The following SUPT3H variants were observed in gnomAD, a reference collection of about 807,000 sequenced individuals.
SUPT3H encodes the protein transcription initiation protein SPT3 homolog.
A neutral mutation model predicts 44.3 loss-of-function variants in SUPT3H; 44 were observed. That is an observed-to-expected ratio of 0.99 (90% CI 0.78 to 1.28). The LOEUF (loss-of-function observed/expected upper bound fraction) is 1.28. SUPT3H is among the 50% of genes most tolerant of loss of function. SUPT3H has a pLI of 0.00. For synonymous variants in SUPT3H, 124 were observed against 125.6 expected (o/e 0.99, Z 0.09); for missense variants, 380 against 387.1 (o/e 0.98, Z 0.15).
At chr6:45,036,301 G>A (rs1414232852) in intron 3 of SUPT3H, among the ~76,000 whole-genome samples, 2 of 152,084 alleles carry the variant, frequency 1.3e-5, no homozygotes, top group Non-Finnish European at 2.9e-5. Context: ...AAGGGAATAG[G>A]AAGTGCAAAG....
chr6:44,885,718 T>A (rs1762150268), intron 10 of SUPT3H, among the ~76,000 whole-genome samples: 1 of 152,046 alleles, frequency 6.6e-6, no homozygotes, highest in South Asian at 2.1e-4. Flanking sequence ...CCTCTCCTCC[T>A]CCAAAGGAAC....
At chr6:45,221,143 T>C (rs925232539) in intron 2 of SUPT3H, among the ~76,000 whole-genome samples, 3 of 152,172 alleles carry the variant, frequency 2.0e-5, no homozygotes, top group Admixed American at 6.5e-5. Flanking sequence ...AAACACTGCA[T>C]GTTCTCACTC....
intron 1 of SUPT3H, chr6:45,371,825 C>A: frequency 1.0e-6 from 1 of 984,184 alleles, no homozygotes; most frequent in Non-Finnish European, 1.2e-6. Context: ...CCAAAGACAT[C>A]TGAGCAGACT....
intron 10 of SUPT3H, among the ~76,000 whole-genome samples, chr6:44,920,134 T>C (rs1358921776): frequency 6.6e-6 from 1 of 151,938 alleles, no homozygotes; most frequent in Non-Finnish European, 1.5e-5. Context: ...CACCTCGGCC[T>C]CCCAAAGTGC....
chr6:45,030,217 T>A (rs1786701061), intron 3 of SUPT3H, among the ~76,000 whole-genome samples: 1 of 152,216 alleles, frequency 6.6e-6, no homozygotes, highest in Admixed American at 6.5e-5. Flanking sequence ...GGTAACTCAG[T>A]AACTGGAAAT....
chr6:44,870,691 G>T (rs1245246890), intron 10 of SUPT3H, among the ~76,000 whole-genome samples: 1 of 151,672 alleles, frequency 6.6e-6, no homozygotes, highest in Non-Finnish European at 1.5e-5. Flanking sequence ...CTCCCAGCAT[G>T]AGCGACGCAG....
intron 6 of SUPT3H, among the ~76,000 whole-genome samples, chr6:44,984,505 T>C (rs1040514128): frequency 3.9e-5 from 6 of 152,172 alleles, no homozygotes; most frequent in Non-Finnish European, 5.9e-5. Context: ...AATTTGTCTA[T>C]GTAGTTAACT....
chr6:45,103,195 G>C (rs1052836250), intron 3 of SUPT3H, among the ~76,000 whole-genome samples: 1 of 152,062 alleles, frequency 6.6e-6, no homozygotes, highest in Non-Finnish European at 1.5e-5. Context: ...AACAAAACAA[G>C]GTTTTCCTCT....
intron 6 of SUPT3H, among the ~76,000 whole-genome samples, chr6:44,977,000 A>T (rs1317415497): frequency 6.6e-6 from 1 of 152,192 alleles, no homozygotes; most frequent in African/African-American, 2.4e-5. Context: ...GTCAGTGCCC[A>T]CATTTTATTC....
Position 45,003,673 on chromosome 6 carries a change from C to G in SUPT3H, c.484G>C (p.Val162Leu), listed in dbSNP as rs1304997860. The change falls in exon 6 of 11, where the codon GTT (valine) becomes CTT (leucine). Residue 162 changes from valine to leucine, a missense_variant. Val to Leu is a conservative substitution (Grantham distance 32). Coordinates refer to ENST00000371459, the MANE Select transcript of SUPT3H (RefSeq NM_003599.4). ...TATACCTCCATTCTTTCTTGTTTAA[C>G]TTCATCAATTTCGTCATCTTCAAAC... ...AMFEDDEIDE[V>L]KQERMERAER... 4.0e-5 allele frequency: 65 copies of G among 1,613,460 alleles called. No homozygotes were observed. Among genetic ancestry groups the G allele is most frequent in the Non-Finnish European group, 5.3e-5 (63 of 1,179,746 alleles).
Position 45,095,599 on chromosome 6 carries a change from A to G in SUPT3H, c.186+10323T>C, listed in dbSNP as rs952906871. Among the ~76,000 whole-genome samples the G allele has an allele frequency of 6.6e-6, 1 of 152,186 alleles. No individual in the cohort carries two copies. Among genetic ancestry groups the G allele is most frequent in the Admixed American group, 6.5e-5 (1 of 15,274 alleles). On this transcript the variant is annotated intron_variant, in intron 3 of 10. Coordinates refer to ENST00000371459, the MANE Select transcript of SUPT3H (RefSeq NM_003599.4). This position sits in a 1 kb window ranked among gnomAD's most constrained non-coding sequence, Gnocchi z 4.1. Reference sequence around the variant, plus strand: ...AGTGTAACCAACTACACAGCTTACTACTGACTGGTAGATTCATACAGTGAA... The same window carrying G: ...AGTGTAACCAACTACACAGCTTACTGCTGACTGGTAGATTCATACAGTGAA...
In SUPT3H at chr6:45,029,179, C is replaced by T. The variant is rs1004486193; in HGVS notation, c.187-8547G>A. ...AGTATATAAATTGATAAAAGATGTGCCTAACTTTTTAGAGTTTCATTTTAA... is the reference window on the plus strand; with the variant it reads ...AGTATATAAATTGATAAAAGATGTGTCTAACTTTTTAGAGTTTCATTTTAA... On this transcript the variant is annotated intron_variant, in intron 3 of 10. Coordinates refer to ENST00000371459, the MANE Select transcript of SUPT3H (RefSeq NM_003599.4). Among the ~76,000 whole-genome samples the T allele has an allele frequency of 2.8e-4, 42 of 151,548 alleles. 1 individual carries two copies. Among genetic ancestry groups the T allele is most frequent in the Admixed American group, 7.2e-4 (11 of 15,214 alleles).
At chr6:45,371,237 G>C (rs1796013246) in intron 1 of SUPT3H, among the ~76,000 whole-genome samples, 1 of 152,082 alleles carries the variant, frequency 6.6e-6, no homozygotes, top group Admixed American at 6.6e-5. Flanking sequence ...AAGCTTATGA[G>C]AATTCTGCAT....
At chr6:44,887,616 GC>G (rs1762535882) in intron 10 of SUPT3H, among the ~76,000 whole-genome samples, 1 of 151,890 alleles carries the variant, frequency 6.6e-6, no homozygotes, top group South Asian at 2.1e-4. Context: ...CACATTCAAA[GC>G]AGTGTGTAGA....
At chr6:45,283,419 A>C (rs1001858012) in intron 2 of SUPT3H, among the ~76,000 whole-genome samples, 1 of 152,162 alleles carries the variant, frequency 6.6e-6, no homozygotes, top group African/African-American at 2.4e-5. Context: ...AAACAAAAAA[A>C]GGCAGGGGTT....
intron 3 of SUPT3H, among the ~76,000 whole-genome samples, chr6:45,031,314 T>C (rs1002009792): frequency 1.3e-5 from 2 of 152,184 alleles, no homozygotes; most frequent in Non-Finnish European, 2.9e-5. Context: ...TAAATGTATT[T>C]GTATATATGT....
intron 2 of SUPT3H, among the ~76,000 whole-genome samples, chr6:45,325,613 G>A (rs1442329697): frequency 6.6e-6 from 1 of 151,498 alleles, no homozygotes; most frequent in Non-Finnish European, 1.5e-5. Flanking sequence ...TGTCCCCAGA[G>A]AGGATAAAAT....
At chr6:45,042,419 G>A (rs1049994883) in intron 3 of SUPT3H, among the ~76,000 whole-genome samples, 1 of 152,110 alleles carries the variant, frequency 6.6e-6, no homozygotes, top group Non-Finnish European at 1.5e-5. Context: ...GGGAGACTTC[G>A]TCTCAAAACA....
intron 5 of SUPT3H, among the ~76,000 whole-genome samples, chr6:45,006,777 G>C (rs961361356): frequency 2.6e-5 from 4 of 151,952 alleles, no homozygotes; most frequent in South Asian, 2.1e-4. Flanking sequence ...CGATGAAAAG[G>C]GGTATTATTT....
Sources: gnomAD v4.1 joint callset for allele counts (sites outside exome capture counted in the v4.1 genomes callset) on GRCh38, gnomAD v4.1.1 for gene constraint, Gnocchi (gnomAD v3.1) non-coding constraint, MANE v1.5 for transcripts, NCBI Gene and HGNC (gene_info 2026-07-23, HGNC 2026-07-21) for gene names.